The following KLF8 variants were observed in gnomAD, a reference collection of about 807,000 sequenced individuals.
The protein encoded by KLF8 is KLF transcription factor 8.
KLF8 carries 10 observed loss-of-function variants against 18.2 expected under a neutral mutation model. That is an observed-to-expected ratio of 0.55 (90% CI 0.34 to 0.93). The LOEUF is 0.93. KLF8 is among the 40% of genes least tolerant of loss of function. The pLI, the probability that KLF8 is intolerant of heterozygous loss-of-function variation, is 0.02. For synonymous variants in KLF8, 109 were observed against 97.3 expected, an observed-to-expected ratio of 1.12 and a Z score of -0.71; for missense variants, 264 against 277.9, an observed-to-expected ratio of 0.95 and a Z score of 0.36.
the KLF8 span, among the ~76,000 whole-genome samples, chrX:56,176,402 C>A: frequency 6.3e-5 from 7 of 111,709 alleles, no homozygotes; most frequent in African/African-American, 2.0e-4. Flanking sequence ...TTTGAATATT[C>A]TTTTCTTTTA....
intron 1 of KLF8, among the ~76,000 whole-genome samples, chrX:56,234,704 A>G (rs193053147): frequency 8.9e-6 from 1 of 112,461 alleles, no homozygotes; most frequent in African/African-American, 3.2e-5. Context: ...AACCAGAATG[A>G]TATAACCAAC....
chrX:55,947,004 T>A, the KLF8 span, among the ~76,000 whole-genome samples: 1 of 111,624 alleles, frequency 9.0e-6, no homozygotes, highest in East Asian at 2.8e-4. Context: ...CTGGAGAGGA[T>A]GTGGAAAAAT....
chrX:56,167,619 G>T, the KLF8 span, among the ~76,000 whole-genome samples: 4 of 112,034 alleles, frequency 3.6e-5, 1 homozygote, highest in Admixed American at 3.8e-4. Context: ...CCAGCCAAAG[G>T]ACTACTGGGG....
chrX:56,202,559 T>TTCCCCCCCCCCCC, the KLF8 span, among the ~76,000 whole-genome samples: 1 of 75,837 alleles, frequency 1.3e-5, no homozygotes, highest in East Asian at 4.6e-4. Flanking sequence ...CCATTAACCT[T>TTCCCCCCCCCCCC]CCCCCCCCCT....
At chrX:56,115,331 A>G in the KLF8 span, among the ~76,000 whole-genome samples, 4 of 111,388 alleles carry the variant, frequency 3.6e-5, no homozygotes, top group Non-Finnish European at 7.5e-5. Context: ...GGAAGGTTAG[A>G]TAGTCTCTGA....
chrX:56,016,846 C>T, the KLF8 span, among the ~76,000 whole-genome samples: 1 of 111,878 alleles, frequency 8.9e-6, no homozygotes, highest in African/African-American at 3.2e-5. Context: ...ATCCATTTTA[C>T]TATGTTACTA....
the KLF8 span, among the ~76,000 whole-genome samples, chrX:55,947,112 T>C: frequency 9.0e-6 from 1 of 111,101 alleles, no homozygotes; most frequent in Non-Finnish European, 1.9e-5. Flanking sequence ...AGAAATACCA[T>C]TTGACCCAGC....
the KLF8 span, among the ~76,000 whole-genome samples, chrX:55,923,521 C>G: frequency 9.0e-6 from 1 of 111,288 alleles, no homozygotes; most frequent in Admixed American, 9.5e-5. Context: ...AAAAAAAAAA[C>G]TAACTAAAGG....
At chrX:56,276,235 G>A (rs1250507839) in intron 5 of KLF8, among the ~76,000 whole-genome samples, 1 of 108,249 alleles carries the variant, frequency 9.2e-6, no homozygotes, top group Non-Finnish European at 1.9e-5. Context: ...CCACCTTCTG[G>A]GAGAGTTTTA....
chrX:56,082,214 AT>A, the KLF8 span, among the ~76,000 whole-genome samples: 1 of 111,785 alleles, frequency 8.9e-6, no homozygotes, highest in East Asian at 2.8e-4. Flanking sequence ...TTAAAATTTT[AT>A]TTACCTTAAC....
At chrX:55,973,569 A>G in the KLF8 span, among the ~76,000 whole-genome samples, 53 of 112,453 alleles carry the variant, frequency 4.7e-4, no homozygotes, top group East Asian at 0.014. Flanking sequence ...GAGGACATAC[A>G]TGCTATCAAC....
chrX:56,216,997 CCAAA>C, the KLF8 span, among the ~76,000 whole-genome samples: 1 of 111,552 alleles, frequency 9.0e-6, no homozygotes, highest in African/African-American at 3.3e-5. Context: ...ATAGTATGTG[CCAAA>C]CAGATGTCTG....
chrX:56,145,669 A>T, the KLF8 span, among the ~76,000 whole-genome samples: 1 of 112,433 alleles, frequency 8.9e-6, no homozygotes. Context: ...AATGAACCTT[A>T]AAAACATTGT....
the KLF8 span, among the ~76,000 whole-genome samples, chrX:56,158,448 G>A: frequency 8.9e-6 from 1 of 111,797 alleles, no homozygotes; most frequent in Non-Finnish European, 1.9e-5. Context: ...TAGCTTGATG[G>A]GGATGGCATT....
chrX:56,159,418 G>T, the KLF8 span, among the ~76,000 whole-genome samples: 34 of 112,632 alleles, frequency 3.0e-4, no homozygotes, highest in African/African-American at 1.1e-3. Context: ...AGTTAGGGAG[G>T]ATTCCCTCTT....
chrX:55,999,922 G>T, the KLF8 span, among the ~76,000 whole-genome samples: 1 of 112,029 alleles, frequency 8.9e-6, no homozygotes, highest in Non-Finnish European at 1.9e-5. Flanking sequence ...TCTTGTCCCA[G>T]TTCTGAAGGG....
chrX:56,274,447 C>T (rs990117870), intron 5 of KLF8, among the ~76,000 whole-genome samples: 1 of 111,572 alleles, frequency 9.0e-6, no homozygotes, highest in Non-Finnish European at 1.9e-5. Context: ...GGTATTTTCT[C>T]CCATTCTGTG....
At chrX:56,048,700 A>G in the KLF8 span, among the ~76,000 whole-genome samples, 3 of 111,602 alleles carry the variant, frequency 2.7e-5, no homozygotes, top group Admixed American at 9.5e-5. Context: ...GTCAGGTAGC[A>G]TGATGCCTCC....
chrX:56,045,825 T>C, the KLF8 span, among the ~76,000 whole-genome samples: 1 of 111,144 alleles, frequency 9.0e-6, no homozygotes, highest in Non-Finnish European at 1.9e-5. Flanking sequence ...TAGGGTTTTC[T>C]AGGTACATGA....
Sources: allele counts gnomAD v4.1 joint callset (sites outside exome capture counted in the v4.1 genomes callset), GRCh38; gene constraint gnomAD v4.1.1; transcripts MANE v1.5; gene names NCBI Gene and HGNC (gene_info 2026-07-23, HGNC 2026-07-21).